Variants in MAF observed in about 807,000 individuals in gnomAD.
The protein encoded by MAF is MAF bZIP transcription factor.
A neutral mutation model predicts 22.0 loss-of-function variants in MAF; 10 were observed. The observed-to-expected ratio is 0.45, with a 90% CI of 0.28 to 0.77. MAF has a LOEUF of 0.77. Among genes scored for constraint, MAF ranks in the 30% least tolerant of loss-of-function variants. The pLI is 0.12. For synonymous variants in MAF, 337 were observed against 255.8 expected, an observed-to-expected ratio of 1.32 and a Z score of -3.03; for missense variants, 544 against 548.4, an observed-to-expected ratio of 0.99 and a Z score of 0.08.
chr16:79,203,532 CTA>C, the MAF span: 2 of 145,140 alleles, frequency 1.4e-5, no homozygotes, highest in Admixed American at 7.1e-5. Flanking sequence ...TTTTTCAGGA[CTA>C]TGTTATAGAA....
At chr16:79,432,398 T>C in the MAF span, among the ~76,000 whole-genome samples, 7 of 152,202 alleles carry the variant, frequency 4.6e-5, no homozygotes, top group Non-Finnish European at 8.8e-5. Flanking sequence ...GTACTATGTT[T>C]TATCCTATAC....
the MAF span, among the ~76,000 whole-genome samples, chr16:79,531,231 TA>T: frequency 6.6e-6 from 1 of 152,100 alleles, no homozygotes; most frequent in African/African-American, 2.4e-5. Flanking sequence ...TTCATAGGAT[TA>T]AATAAAAGAA....
chr16:79,374,208 T>C, the MAF span, among the ~76,000 whole-genome samples: 1 of 152,336 alleles, frequency 6.6e-6, no homozygotes, highest in Non-Finnish European at 1.5e-5. Context: ...TGGGAATTCT[T>C]TTTCCATCAA....
the MAF span, among the ~76,000 whole-genome samples, chr16:79,259,664 T>C: frequency 6.6e-6 from 1 of 152,182 alleles, no homozygotes; most frequent in East Asian, 1.9e-4. Context: ...AAAAATTTGC[T>C]TCCCCAGAGA....
At chr16:79,598,325 T>C in intron 1 of MAF, 3 of 1,113,286 alleles carry the variant, frequency 2.7e-6, no homozygotes, top group South Asian at 3.5e-5. Flanking sequence ...CACCAGTTCA[T>C]GAACTGAAGG....
the MAF span, among the ~76,000 whole-genome samples, chr16:79,454,254 T>G: frequency 1.3e-5 from 2 of 152,152 alleles, no homozygotes; most frequent in African/African-American, 4.8e-5. Context: ...CCATAAGCCC[T>G]CAGGGCCATT....
chr16:79,309,073 G>A, the MAF span, among the ~76,000 whole-genome samples: 1 of 152,190 alleles, frequency 6.6e-6, no homozygotes, highest in Non-Finnish European at 1.5e-5. Flanking sequence ...TGGGCGCAGA[G>A]AGAGGTGGGA....
At chr16:79,413,871 T>C in the MAF span, among the ~76,000 whole-genome samples, 3 of 152,160 alleles carry the variant, frequency 2.0e-5, no homozygotes, top group African/African-American at 7.2e-5. Context: ...AGAAGAAAGA[T>C]TGGCAAAAGT....
the MAF span, among the ~76,000 whole-genome samples, chr16:79,530,514 G>C: frequency 6.6e-6 from 1 of 152,104 alleles, no homozygotes; most frequent in Admixed American, 6.6e-5. Flanking sequence ...TAAAAAATCA[G>C]CATAAAATAT....
chr16:79,310,031 C>A, the MAF span, among the ~76,000 whole-genome samples: 4 of 152,230 alleles, frequency 2.6e-5, no homozygotes, highest in South Asian at 2.1e-4. Flanking sequence ...GGTCAGTTAG[C>A]AGAACATATG....
chr16:79,599,201 T>TCCGCCG lies in MAF; in HGVS notation c.696_701dup (p.Gly237_Gly238dup), dbSNP rs887468453. The TCCGCCG allele has an allele frequency of 1.7e-3, 1,690 of 974,880 alleles. 1 individual carries two copies. Among genetic ancestry groups the TCCGCCG allele is most frequent in the African/African-American group, 2.4e-3 (133 of 55,484 alleles). 60.4% of individuals were successfully genotyped at this position (974,880 alleles called of 1,614,324 possible). A position where few individuals can be genotyped will look rare whatever the true frequency, so the allele number is the denominator to read the frequency against. ...CCGCCCCCGCCGCGCCCCCGCCGCC[T>TCCGCCG]CCGCCGCCGCCGCCGCCGCCGCCGC... On this transcript the variant is annotated inframe_insertion, in exon 1 of 2. Transcript: ENST00000326043.
At chr16:79,239,416 G>A in the MAF span, among the ~76,000 whole-genome samples, 10,986 of 152,106 alleles carry the variant, frequency 0.072, 589 homozygotes, top group Middle Eastern at 0.14. Flanking sequence ...ACTTGAGGCT[G>A]TTGGTGGAGT....
the MAF span, among the ~76,000 whole-genome samples, chr16:79,367,201 A>G: frequency 2.1e-4 from 32 of 152,252 alleles, 1 homozygote; most frequent in African/African-American, 7.0e-4. Flanking sequence ...CTTTCTGTCA[A>G]TTCTATGGGT....
chr16:79,471,884 A>T, the MAF span, among the ~76,000 whole-genome samples: 1 of 152,246 alleles, frequency 6.6e-6, no homozygotes, highest in African/African-American at 2.4e-5. Context: ...AACTTTTACC[A>T]GGTGATATGA....
the MAF span, among the ~76,000 whole-genome samples, chr16:79,531,884 T>C: frequency 6.6e-6 from 1 of 152,074 alleles, no homozygotes; most frequent in South Asian, 2.1e-4. Context: ...CAGTGAGATC[T>C]AGAAGGCACA....
the MAF span, among the ~76,000 whole-genome samples, chr16:79,513,769 G>A: frequency 6.6e-6 from 1 of 152,196 alleles, no homozygotes; most frequent in African/African-American, 2.4e-5. Flanking sequence ...AGAACCTGGT[G>A]TGTAGGACAC....
chr16:79,373,359 CTTTTTTTTTTTTTTTTTTTTTTT>C, the MAF span, among the ~76,000 whole-genome samples: 17 of 33,326 alleles, frequency 5.1e-4, no homozygotes, highest in East Asian at 2.1e-3. Flanking sequence ...GGACTGGTAG[CTTTTTTTTTTTTTTTTTTTTTTT>C]TTTTTTTTTT....
the MAF span, among the ~76,000 whole-genome samples, chr16:79,530,384 G>C: frequency 1.3e-5 from 2 of 152,226 alleles, 1 homozygote; most frequent in African/African-American, 4.8e-5. Flanking sequence ...CAAATTCAGA[G>C]CACCCTGATA....
the MAF span, among the ~76,000 whole-genome samples, chr16:79,247,482 T>C: frequency 6.6e-6 from 1 of 152,200 alleles, no homozygotes; most frequent in African/African-American, 2.4e-5. Flanking sequence ...TCCAGCCTGA[T>C]TCAGTAACTG....
Sources: allele counts gnomAD v4.1 joint callset (sites outside exome capture counted in the v4.1 genomes callset), GRCh38; gene constraint gnomAD v4.1.1; transcripts MANE v1.5; gene names NCBI Gene and HGNC (gene_info 2026-07-23, HGNC 2026-07-21).